The following AFTPH variants were observed in gnomAD, a reference collection of about 807,000 sequenced individuals.
AFTPH encodes aftiphilin, also known as aftiphilin protein.
AFTPH carries 7 observed loss-of-function variants against 72.5 expected under a neutral mutation model. The observed-to-expected ratio is 0.10, with a 90% CI of 0.05 to 0.18. AFTPH has a LOEUF of 0.18. Among genes scored for constraint, AFTPH ranks in the 10% least tolerant of loss-of-function variants. AFTPH has a pLI of 1.00. For missense variants in AFTPH, 979 were observed against 1,060.5 expected (o/e 0.92, Z 1.07); for synonymous variants, 337 against 370.1 (o/e 0.91, Z 1.03).
chr2:64,592,200 T>C, exon 9 of AFTPH: 1 of 554,112 alleles, frequency 1.8e-6, no homozygotes, highest in Non-Finnish European at 2.9e-6. Flanking sequence ...GTATATTTAT[T>C]TACATACTGA....
At chr2:64,540,302 G>A (rs1268490499) in intron 1 of AFTPH, among the ~76,000 whole-genome samples, 2 of 152,052 alleles carry the variant, frequency 1.3e-5, no homozygotes. Context: ...CCATTTTGTT[G>A]CCCTTGTTAT....
intron 6 of AFTPH, among the ~76,000 whole-genome samples, chr2:64,573,761 G>A (rs1672597050): frequency 1.3e-5 from 2 of 152,060 alleles, no homozygotes; most frequent in Non-Finnish European, 2.9e-5. Context: ...GGGTTCAAGC[G>A]ATTCTCCTGC....
intron 4 of AFTPH, 24 bp from the exon 5 acceptor site, chr2:64,569,599 T>C (rs757548297): frequency 1.2e-6 from 2 of 1,610,838 alleles, no homozygotes; most frequent in South Asian, 1.1e-5. Flanking sequence ...AAATATATGT[T>C]CTTTCTGTCT....
chr2:64,584,467 C>T (rs980488650), intron 7 of AFTPH, among the ~76,000 whole-genome samples: 1 of 151,914 alleles, frequency 6.6e-6, no homozygotes, highest in Non-Finnish European at 1.5e-5. Context: ...ACCCTGTAGA[C>T]AAGAATTTTC....
At chr2:64,556,725 C>T (rs1671398488) in intron 2 of AFTPH, among the ~76,000 whole-genome samples, 1 of 152,158 alleles carries the variant, frequency 6.6e-6, no homozygotes, top group African/African-American at 2.4e-5. Context: ...AAAAGTCAAG[C>T]AAGAATTCTT....
At chr2:64,545,826 C>T (rs575871980) in intron 1 of AFTPH, among the ~76,000 whole-genome samples, 1 of 151,794 alleles carries the variant, frequency 6.6e-6, no homozygotes, top group African/African-American at 2.4e-5. Context: ...TTACACAAAT[C>T]TGAATAGAGG....
At chr2:64,592,849 A>G (rs983958351) in exon 9 of AFTPH, 1 of 152,636 alleles carries the variant, frequency 6.6e-6, no homozygotes, top group African/African-American at 2.4e-5. Flanking sequence ...TACAGTGAAA[A>G]CTATGGGTTT....
chr2:64,556,756 G>T (rs1028158968), intron 2 of AFTPH, among the ~76,000 whole-genome samples: 2 of 152,150 alleles, frequency 1.3e-5, no homozygotes, highest in Admixed American at 6.5e-5. Flanking sequence ...AAAAATGTTC[G>T]TAGTCTAATT....
At chr2:64,560,783 G>T (rs3770735) in intron 2 of AFTPH, among the ~76,000 whole-genome samples, 52,238 of 152,036 alleles carry the variant, frequency 0.34, 9,131 homozygotes, top group South Asian at 0.39. Flanking sequence ...TGAGGCAGGA[G>T]AATCACTTGA....
chr2:64,586,569 CTTA>C (rs1673527430), intron 8 of AFTPH, among the ~76,000 whole-genome samples: 1 of 152,018 alleles, frequency 6.6e-6, no homozygotes, highest in African/African-American at 2.4e-5. Flanking sequence ...CCAGATTTTT[CTTA>C]TTGCCTTTAA....
At chr2:64,540,065 G>A (rs1258511858) in intron 1 of AFTPH, among the ~76,000 whole-genome samples, 5 of 152,152 alleles carry the variant, frequency 3.3e-5, no homozygotes, top group Non-Finnish European at 5.9e-5. Context: ...AAGGTCCAGG[G>A]ATTATCTGTA....
intron 1 of AFTPH, among the ~76,000 whole-genome samples, chr2:64,548,241 AAAT>A (rs1257667821): frequency 9.6e-5 from 14 of 145,538 alleles, no homozygotes; most frequent in African/African-American, 3.5e-4. Context: ...AAAATACAAA[AAAT>A]TAGCCGGGCG....
intron 2 of AFTPH, among the ~76,000 whole-genome samples, chr2:64,560,046 A>AG (rs1671623942): frequency 6.6e-6 from 1 of 152,222 alleles, no homozygotes; most frequent in African/African-American, 2.4e-5. Context: ...CCCATGGCCC[A>AG]GTCAAGTTGA....
intron 4 of AFTPH, 69 bp downstream of exon 4, chr2:64,569,287 C>G (rs1278655482): frequency 6.6e-6 from 10 of 1,524,072 alleles, no homozygotes; most frequent in Admixed American, 2.0e-5. Context: ...TGTCATACTT[C>G]TGTTTAAGCT....
At chr2:64,527,557 G>T (rs1367609959) in intron 1 of AFTPH, among the ~76,000 whole-genome samples, 6 of 147,190 alleles carry the variant, frequency 4.1e-5, no homozygotes, top group Non-Finnish European at 7.4e-5. Context: ...TCCAGCCTGG[G>T]CAACAAGAGC....
chr2:64,555,422 G>A (rs760138824), intron 2 of AFTPH, among the ~76,000 whole-genome samples: 16 of 152,122 alleles, frequency 1.1e-4, no homozygotes, highest in African/African-American at 2.2e-4. Flanking sequence ...TTAGCTGGGC[G>A]TGGTGACGTG....
chr2:64,575,721 G>A (rs62139390), intron 6 of AFTPH, among the ~76,000 whole-genome samples: 16 of 61,614 alleles, frequency 2.6e-4, no homozygotes, highest in African/African-American at 7.6e-4. Flanking sequence ...GTGTGTGTGT[G>A]TGTGTGTGTG....
rs192062424 is a variant in AFTPH at position 64,555,883 on chromosome 2, G to A, written c.1935+2474G>A. Among the ~76,000 whole-genome samples the A allele has an allele frequency of 1.3e-3, 197 of 152,204 alleles. 1 individual carries two copies. The highest frequency in any genetic ancestry group is 4.2e-3 in the African/African-American group (175 of 41,516). On this transcript the variant is annotated intron_variant, in intron 2 of 8. Coordinates refer to ENST00000238856, the Ensembl canonical transcript of AFTPH. ...TTGGGCTTCAGATTCTGCTAGAAGA[G>A]TGCATTAATTTAGCCCTTTTGGAGA...
At chr2:64,574,508 T>A (rs995552451) in intron 6 of AFTPH, among the ~76,000 whole-genome samples, 14 of 152,090 alleles carry the variant, frequency 9.2e-5, no homozygotes, top group Admixed American at 7.2e-4. Context: ...GAGAGGGGAG[T>A]GGTAGCACCT....
Sources: allele counts gnomAD v4.1 joint callset (sites outside exome capture counted in the v4.1 genomes callset), GRCh38; gene constraint gnomAD v4.1.1; transcripts MANE v1.5; gene names NCBI Gene and HGNC (gene_info 2026-07-23, HGNC 2026-07-21).